Variants in SLC2A2 observed in about 807,000 individuals in gnomAD.
The protein encoded by SLC2A2 is solute carrier family 2 member 2.
In SLC2A2, 36 loss-of-function variants were observed where a neutral mutation model predicts 54.5. The ratio of observed to expected loss-of-function variants is 0.66; its 90% CI spans 0.51 to 0.87. The LOEUF is 0.87. SLC2A2 is among the 40% of genes least tolerant of loss of function. SLC2A2 has a pLI of 0.00. For synonymous variants in SLC2A2, 223 were observed against 219.1 expected (o/e 1.02, Z -0.16); for missense variants, 543 against 624.3 (o/e 0.87, Z 1.39).
intron 2 of SLC2A2, 49 bp downstream of exon 2, chr3:171,018,482 A>T (rs988800598): frequency 8.1e-7 from 1 of 1,241,844 alleles, no homozygotes; most frequent in Non-Finnish European, 1.2e-6. Flanking sequence ...TATGATATCT[A>T]TCACTGACAG....
chr3:171,019,156 CGTAT>C (rs1716336029), intron 1 of SLC2A2, among the ~76,000 whole-genome samples: 1 of 65,238 alleles, frequency 1.5e-5, no homozygotes, highest in East Asian at 4.2e-4. Context: ...TATATATATA[CGTAT>C]GTATATATAT....
intron 3 of SLC2A2, among the ~76,000 whole-genome samples, chr3:171,013,529 G>T (rs1449592125): frequency 6.6e-6 from 1 of 152,022 alleles, no homozygotes; most frequent in African/African-American, 2.4e-5. Context: ...ATAAGAGGAA[G>T]AGTTATCAGA....
chr3:170,999,419 C>T (rs956937712), intron 8 of SLC2A2, among the ~76,000 whole-genome samples: 7 of 151,894 alleles, frequency 4.6e-5, no homozygotes, highest in Non-Finnish European at 1.5e-5. Context: ...TTGAATAGAC[C>T]ATTATAGAGA....
At position 171,024,476 on chromosome 3, in the gene SLC2A2, A is replaced by G. The variant is rs80062614; in HGVS notation, c.15+2180T>C. 6.6e-3 allele frequency among the ~76,000 whole-genome samples: 1,003 copies of G among 152,300 alleles called. 13 individuals carry two copies. Among genetic ancestry groups the G allele is most frequent in the African/African-American group, 0.022 (933 of 41,566 alleles). ...CTTAAACGCCACTGCTAACCTGAAG[A>G]GCAGATTTTTCCAGCAATTACTGAT... On this transcript the variant is annotated intron_variant, in intron 1 of 10. Transcript: ENST00000314251.
intron 1 of SLC2A2, among the ~76,000 whole-genome samples, chr3:171,022,379 G>C (rs1453387869): frequency 1.3e-5 from 2 of 152,150 alleles, no homozygotes; most frequent in African/African-American, 2.4e-5. Flanking sequence ...GTGTTTAGCT[G>C]TTTGGCTTCA....
intron 6 of SLC2A2, 130 bp from the exon 7 acceptor site, chr3:171,005,602 C>CT (rs1204265402): frequency 1.2e-5 from 9 of 744,726 alleles, no homozygotes; most frequent in South Asian, 8.4e-5. Flanking sequence ...GTTGGAAATT[C>CT]TTTTTTTGTT....
At chr3:171,004,591 GT>G (rs5854402) in intron 7 of SLC2A2, among the ~76,000 whole-genome samples, 33,499 of 143,138 alleles carry the variant, frequency 0.23, 5,416 homozygotes, top group African/African-American at 0.47. Flanking sequence ...GAGAAGTGGT[GT>G]TTTTTTTTTT....
At position 170,999,090 on chromosome 3, in the gene SLC2A2, A is replaced by G; in HGVS notation, c.1145T>C (p.Phe382Ser). The G allele has an allele frequency of 6.2e-7, 1 of 1,612,906 alleles. No individual in the cohort carries two copies. Among genetic ancestry groups the G allele is most frequent in the Non-Finnish European group, 8.5e-7 (1 of 1,179,064 alleles). Residue 382 changes from phenylalanine to serine, a missense_variant, in exon 9 of 11, where the codon TTC becomes TCC. Phe to Ser is a radical substitution (Grantham distance 155). This residue lies in a region of SLC2A2 where 117 missense variants were observed against 179.2 expected (regional missense o/e 0.65). Transcript: ENST00000314251. Reference sequence around the variant, plus strand: ...CAGCAGCACAAGTCCCACTGACATGAAGATGGCACAAACAAACATCCCACT... The same window carrying G: ...CAGCAGCACAAGTCCCACTGACATGGAGATGGCACAAACAAACATCCCACT... ...GMSGMFVCAI[F>S]MSVGLVLLNK... is the part of the protein sequence containing the mutation.
rs1347267249 is a variant in SLC2A2, at chr3:171,006,078, T to G, written c.640A>C (p.Asn214His). ...QIIGLEFILG[N>H]YDLWHILLGL... ...AGCAGGATGTGCCACAGATCATAAT[T>G]GCCCAAGATAAATTCAAGACCAATA... The change falls in exon 6 of 11, where the codon AAT becomes CAT. Residue 214 changes from asparagine to histidine, a missense_variant. Coordinates refer to ENST00000314251, the MANE Select transcript of SLC2A2 (RefSeq NM_000340.2). The G allele has an allele frequency of 6.8e-6, 11 of 1,612,352 alleles. No individual in the cohort carries two copies. The Admixed American group carries it at 1.0e-4, about 15-fold the overall frequency.
Position 171,005,981 on chromosome 3 carries a change from A to AG in SLC2A2, c.736dup (p.Leu246ProfsTer7). The AG allele has an allele frequency of 6.2e-7, 1 of 1,612,592 alleles. No homozygotes were observed. Reference sequence around the variant, plus strand: ...GACTTCCTCATCTAACTTGATGTAAAGGTATCTGGGGCTTTCTGGACAGAA... The same window carrying AG: ...GACTTCCTCATCTAACTTGATGTAAAGGGTATCTGGGGCTTTCTGGACAGAA... On this transcript the variant is annotated frameshift_variant, in exon 6 of 11. Coordinates refer to ENST00000314251, the MANE Select transcript of SLC2A2 (RefSeq NM_000340.2). LOFTEE classifies it high-confidence loss of function.
At chr3:171,009,081 G>A (rs1267397717) in intron 4 of SLC2A2, among the ~76,000 whole-genome samples, 2 of 152,060 alleles carry the variant, frequency 1.3e-5, no homozygotes, top group Non-Finnish European at 2.9e-5. Flanking sequence ...AGGCAACTAC[G>A]TCTTGTGAAA....
At chr3:171,017,303 C>CA (rs1307430467) in intron 2 of SLC2A2, among the ~76,000 whole-genome samples, 2 of 152,220 alleles carry the variant, frequency 1.3e-5, no homozygotes, top group African/African-American at 4.8e-5. Context: ...ATCACCCACA[C>CA]AAAAAAGATA....
intron 4 of SLC2A2, among the ~76,000 whole-genome samples, chr3:171,009,454 AG>A (rs967560088): frequency 6.6e-6 from 1 of 152,016 alleles, no homozygotes; most frequent in Non-Finnish European, 1.5e-5. Flanking sequence ...AGGTCTTGTC[AG>A]ATAGAAGAGA....
rs1576833940 is a variant in SLC2A2 at position 171,010,075 on chromosome 3, C to A, written c.379G>T (p.Ala127Ser). The A allele has an allele frequency of 1.9e-6, 3 of 1,612,448 alleles. No individual in the cohort carries two copies. The highest frequency in any genetic ancestry group is 2.2e-5 in the East Asian group (1 of 44,856). Residue 127 changes from alanine to serine, a missense_variant, in exon 4 of 11, where the codon GCC becomes TCC. Physicochemically the swap from Ala to Ser is moderately conservative, Grantham distance 99. Coordinates refer to ENST00000314251, the MANE Select transcript of SLC2A2 (RefSeq NM_000340.2). ...WLGDTLGRIK[A>S]MLVANILSLV... Reference sequence around the variant, plus strand: ...GACAGAATGTTTGCTACTAACATGGCTTTGATTCTGAAATTTTAAAAAGCA... The same window carrying A: ...GACAGAATGTTTGCTACTAACATGGATTTGATTCTGAAATTTTAAAAAGCA...
At chr3:171,005,521 G>A (rs747265661) in intron 6 of SLC2A2, 49 bp from the exon 7 acceptor site, 2 of 1,458,864 alleles carry the variant, frequency 1.4e-6, no homozygotes, top group Non-Finnish European at 1.9e-6. Flanking sequence ...AAAACAAAAA[G>A]AAATTTATTT....
intron 3 of SLC2A2, among the ~76,000 whole-genome samples, chr3:171,011,378 T>G (rs1372268015): frequency 2.6e-5 from 4 of 151,986 alleles, no homozygotes. Context: ...AAGTAGAGAT[T>G]AGAATGTTGT....
rs1441606652 is a variant in SLC2A2, at chr3:171,007,221, G to A, written c.539C>T (p.Ala180Val). Residue 180 changes from alanine (A) to valine (V), a missense_variant, in exon 5 of 11, where the codon GCT becomes GTT. This residue lies in a region of SLC2A2 where 318 missense variants were observed against 343.8 expected (regional missense o/e 0.93). Coordinates refer to ENST00000314251, the MANE Select transcript of SLC2A2 (RefSeq NM_000340.2). ...AAGTGCTCCCCTGAGAGCGGTTGGA[G>A]CAATTTCACCGATATACATAGGAAC... Reference protein sequence around the residue: ...GLVPMYIGEIAPTALRGALGT... With the variant: ...GLVPMYIGEIVPTALRGALGT... The A allele has an allele frequency of 3.7e-6, 6 of 1,612,578 alleles. No homozygotes were observed. Among genetic ancestry groups the A allele is most frequent in the Admixed American group, 3.3e-5 (2 of 59,844 alleles).
At chr3:171,005,621 T>C in intron 6 of SLC2A2, 149 bp from the exon 7 acceptor site, 2 of 687,968 alleles carry the variant, frequency 2.9e-6, no homozygotes, top group South Asian at 1.8e-5. Context: ...TTAAATTAGA[T>C]CCTGCTCTTT....
chr3:171,016,482 G>GA (rs1270319139), intron 2 of SLC2A2, among the ~76,000 whole-genome samples: 1 of 151,576 alleles, frequency 6.6e-6, no homozygotes, highest in Non-Finnish European at 1.5e-5. Flanking sequence ...AATATGCATA[G>GA]AAAAAAAAGC....
Sources: gnomAD v4.1 joint callset for allele counts (sites outside exome capture counted in the v4.1 genomes callset) on GRCh38, gnomAD v4.1.1 for gene constraint, gnomAD v4.1.1 regional missense constraint, MANE v1.5 for transcripts, NCBI Gene and HGNC (gene_info 2026-07-23, HGNC 2026-07-21) for gene names.